The following FUT8 variants were observed in gnomAD, a reference collection of about 807,000 sequenced individuals.
The protein encoded by FUT8 is alpha-(1,6)-fucosyltransferase.
FUT8 carries 29 observed loss-of-function variants against 71.3 expected under a neutral mutation model. The ratio of observed to expected loss-of-function variants is 0.41; its 90% CI spans 0.30 to 0.55. The LOEUF (loss-of-function observed/expected upper bound fraction) is 0.55, where lower values mean the gene tolerates loss of function less well. FUT8 is among the 20% of genes least tolerant of loss of function. FUT8 has a pLI of 0.34. For missense variants in FUT8, 544 were observed against 702.1 expected (o/e 0.77, Z 2.55); for synonymous variants, 254 against 239.3 (o/e 1.06, Z -0.57).
At position 65,467,244 on chromosome 14, in the gene FUT8, T is replaced by C. The variant is rs544533852; in HGVS notation, c.-228+11526T>C. Among the ~76,000 whole-genome samples, 56 of 152,292 alleles carry C rather than the reference T, an allele frequency of 3.7e-4. No homozygotes were observed. In the South Asian group the frequency reaches 8.1e-3, roughly 22 times the overall value. On this transcript the variant is annotated intron_variant, in intron 2 of 10. Transcript: ENST00000673929. The surrounding 1 kb of genome is among the most constrained non-coding windows in gnomAD (Gnocchi z 4.1). ...GGAGGATACTTTTGCTGGGATTCTA[T>C]AGGCATTCTAGTTTGGTATTTTATT...
chr14:65,505,866 G>A (rs2898818), intron 2 of FUT8, among the ~76,000 whole-genome samples: 4 of 151,786 alleles, frequency 2.6e-5, no homozygotes, highest in African/African-American at 9.7e-5. Flanking sequence ...GTATCTCACC[G>A]TCATTCCTTA....
intron 2 of FUT8, among the ~76,000 whole-genome samples, chr14:65,532,802 G>T (rs1048566811): frequency 6.6e-5 from 10 of 152,068 alleles, no homozygotes; most frequent in African/African-American, 2.4e-4. Context: ...GTCTTGAGTT[G>T]ATTTTTGTAT....
At chr14:65,542,537 G>C (rs1015383022) in intron 2 of FUT8, among the ~76,000 whole-genome samples, 4 of 152,104 alleles carry the variant, frequency 2.6e-5, no homozygotes, top group African/African-American at 9.7e-5. Context: ...TTAGTGAATT[G>C]AATACCAGCC....
At chr14:65,710,126 G>A (rs1288450041) in intron 7 of FUT8, among the ~76,000 whole-genome samples, 1 of 152,082 alleles carries the variant, frequency 6.6e-6, no homozygotes, top group African/African-American at 2.4e-5. Context: ...TTTTCCATAA[G>A]CAATGGTATT....
chr14:65,742,108 T>G lies in FUT8; in HGVS notation c.1426T>G (p.Tyr476Asp). 1 of 1,611,552 alleles carries G rather than the reference T, an allele frequency of 6.2e-7. No individual in the cohort carries two copies. Among genetic ancestry groups the G allele is most frequent in the East Asian group, 2.2e-5 (1 of 44,830 alleles). The change falls in exon 11 of 11, where the codon TAT becomes GAT. Residue 476 changes from tyrosine (Y) to aspartate (D), a missense_variant. By Grantham distance (160) the Tyr-to-Asp change is radical. Transcript: ENST00000673929. ...TFSSQVCRVA[Y>D]EIMQTLHPDA... ...CTTTCCCAAGGTCTGTCGAGTTGCT[T>G]ATGAAATTATGCAAACACTACATCC...
chr14:65,686,718 G>GT (rs1488186436), intron 7 of FUT8, among the ~76,000 whole-genome samples: 1 of 152,006 alleles, frequency 6.6e-6, no homozygotes, highest in Non-Finnish European at 1.5e-5. Flanking sequence ...ACAAGAAACT[G>GT]TTTTTTTAAG....
chr14:65,459,016 T>A (rs1165898820), intron 2 of FUT8, among the ~76,000 whole-genome samples: 4 of 152,184 alleles, frequency 2.6e-5, no homozygotes, highest in African/African-American at 9.7e-5. Context: ...CTCAAACTTC[T>A]TGGCTCAAGC....
chr14:65,571,286 A>G (rs1291195075), intron 3 of FUT8, among the ~76,000 whole-genome samples: 3 of 152,148 alleles, frequency 2.0e-5, no homozygotes, highest in Non-Finnish European at 4.4e-5. Flanking sequence ...TATCCAAAAG[A>G]AAGTTGGAAA....
At chr14:65,700,759 C>A (rs117596236) in intron 7 of FUT8, among the ~76,000 whole-genome samples, 152 of 152,242 alleles carry the variant, frequency 1.0e-3, no homozygotes, top group Non-Finnish European at 1.8e-3. Flanking sequence ...CATTCTTGAA[C>A]CCCCATCCAA....
At chr14:65,502,044 G>A (rs1359474305) in intron 2 of FUT8, among the ~76,000 whole-genome samples, 1 of 151,742 alleles carries the variant, frequency 6.6e-6, no homozygotes, top group Non-Finnish European at 1.5e-5. Context: ...CCAAGTAGCT[G>A]GGACTACAGG....
At chr14:65,560,338 A>T (rs1219942718) in intron 2 of FUT8, among the ~76,000 whole-genome samples, 2 of 152,034 alleles carry the variant, frequency 1.3e-5, no homozygotes, top group Non-Finnish European at 2.9e-5. Context: ...AAACATTTTT[A>T]AAATTAAAGA....
intron 6 of FUT8, among the ~76,000 whole-genome samples, chr14:65,666,358 A>G (rs371859066): frequency 5.3e-5 from 8 of 152,050 alleles, no homozygotes; most frequent in East Asian, 1.9e-4. Flanking sequence ...ATCACCACCA[A>G]CCCCACAGAA....
intron 1 of FUT8, among the ~76,000 whole-genome samples, chr14:65,444,639 G>A (rs766087295): frequency 2.6e-5 from 4 of 152,188 alleles, no homozygotes; most frequent in Non-Finnish European, 4.4e-5. Context: ...TACGTGTGTT[G>A]TAGCAATTTG....
At chr14:65,630,521 T>C (rs927653896) in intron 6 of FUT8, among the ~76,000 whole-genome samples, 4 of 152,188 alleles carry the variant, frequency 2.6e-5, no homozygotes, top group South Asian at 2.1e-4. Context: ...TTAAGTGATA[T>C]TAATCTGAAA....
chr14:65,371,574 C>T, the FUT8 span, among the ~76,000 whole-genome samples: 2 of 152,306 alleles, frequency 1.3e-5, no homozygotes, highest in Non-Finnish European at 2.9e-5. Flanking sequence ...TACTTAGAAA[C>T]TGCAAATATT....
At chr14:65,724,860 A>C (rs1243298141) in intron 9 of FUT8, among the ~76,000 whole-genome samples, 1 of 152,122 alleles carries the variant, frequency 6.6e-6, no homozygotes, top group Admixed American at 6.5e-5. Context: ...ATATAAGGAC[A>C]CTAATCTCAT....
intron 6 of FUT8, among the ~76,000 whole-genome samples, chr14:65,642,564 C>T (rs1437867761): frequency 7.0e-6 from 1 of 142,684 alleles, no homozygotes; most frequent in African/African-American, 2.6e-5. Flanking sequence ...GATGGTGTCA[C>T]TGCACTCCAG....
At chr14:65,421,436 C>T (rs2065293232) in intron 1 of FUT8, among the ~76,000 whole-genome samples, 1 of 151,922 alleles carries the variant, frequency 6.6e-6, no homozygotes, top group Non-Finnish European at 1.5e-5. Flanking sequence ...ATACTTCTGC[C>T]TTTTTTGCTT....
intron 2 of FUT8, among the ~76,000 whole-genome samples, chr14:65,492,257 C>T (rs143828453): frequency 1.8e-4 from 28 of 152,200 alleles, no homozygotes; most frequent in African/African-American, 5.8e-4. Context: ...CAAGTTTAGC[C>T]GAAAGCTGCC....
Sources: allele counts gnomAD v4.1 joint callset (sites outside exome capture counted in the v4.1 genomes callset), GRCh38; gene constraint gnomAD v4.1.1; non-coding constraint Gnocchi (gnomAD v3.1); transcripts MANE v1.5; gene names NCBI Gene and HGNC (gene_info 2026-07-23, HGNC 2026-07-21).